NALCN: variants seen among roughly 807,000 people sequenced by gnomAD.
NALCN encodes the protein sodium leak channel, non-selective.
NALCN carries 111 observed loss-of-function variants against 225.3 expected under a neutral mutation model. The ratio of observed to expected loss-of-function variants is 0.49; its 90% CI spans 0.42 to 0.58. The LOEUF is 0.58. Among genes scored for constraint, NALCN ranks in the 20% least tolerant of loss-of-function variants. The probability of loss-of-function intolerance (pLI) is 0.00; values close to 1 mark genes in which losing one functional copy is unlikely to be tolerated. For missense variants in NALCN, 1,378 were observed against 2,202.4 expected (o/e 0.63, Z 7.49); for synonymous variants, 764 against 769.0 (o/e 0.99, Z 0.11).
At chr13:101,057,907 C>CG (rs1201438556) in intron 43 of NALCN, 32 bp downstream of exon 43, 1 of 1,542,756 alleles carries the variant, frequency 6.5e-7, no homozygotes, top group Admixed American at 1.7e-5. Context: ...TAAAATGCCT[C>CG]GATCGCTGGA....
intron 6 of NALCN, among the ~76,000 whole-genome samples, chr13:101,366,855 T>C (rs1013035778): frequency 6.6e-6 from 1 of 152,162 alleles, no homozygotes; most frequent in African/African-American, 2.4e-5. Flanking sequence ...CTGTTGTGCA[T>C]GGATCTCAAA....
intron 35 of NALCN, 114 bp downstream of exon 35, chr13:101,075,759 G>A: frequency 1.4e-6 from 1 of 732,498 alleles, no homozygotes; most frequent in South Asian, 2.5e-5. Flanking sequence ...ATGATGTCTA[G>A]TAATTTGTGA....
chr13:101,397,069 TATATATATATATATATA>T (rs2047317729), intron 2 of NALCN, among the ~76,000 whole-genome samples: 1 of 61,696 alleles, frequency 1.6e-5, no homozygotes, highest in Non-Finnish European at 4.1e-5. Flanking sequence ...GAATGTATTA[TATATATATATATATATA>T]TATATATATA....
In NALCN at chr13:101,292,175, C is replaced by T. The variant is rs370927368; in HGVS notation, c.942+49G>A. The T allele has an allele frequency of 3.8e-5, 61 of 1,612,382 alleles. No individual in the cohort carries two copies. The highest frequency in any genetic ancestry group is 4.8e-5 in the Non-Finnish European group (57 of 1,179,084). ...CAACCAAAACCAAACAAAAGATCTG[C>T]AGAACTATCACAGAACATAGACTTT... On this transcript the variant is annotated intron_variant, in intron 8 of 43. Transcript: ENST00000251127. This position sits in a 1 kb window ranked among gnomAD's most constrained non-coding sequence, Gnocchi z 4.3.
intron 2 of NALCN, among the ~76,000 whole-genome samples, chr13:101,397,598 T>C (rs1395104077): frequency 6.6e-6 from 1 of 151,302 alleles, no homozygotes; most frequent in Non-Finnish European, 1.5e-5. Context: ...GTGTAATGTG[T>C]ATATATGTGA....
intron 7 of NALCN, among the ~76,000 whole-genome samples, chr13:101,333,233 T>C (rs896991123): frequency 1.3e-5 from 2 of 152,204 alleles, no homozygotes; most frequent in Admixed American, 6.5e-5. Flanking sequence ...ATCTTTATAG[T>C]AGCAATTGTG....
At chr13:101,328,086 G>C (rs1386332865) in intron 7 of NALCN, among the ~76,000 whole-genome samples, 1 of 152,288 alleles carries the variant, frequency 6.6e-6, no homozygotes, top group Non-Finnish European at 1.5e-5. Context: ...GCTGATCCCT[G>C]CTCTAGTCAG....
At chr13:101,394,596 C>G (rs899408959) in intron 3 of NALCN, among the ~76,000 whole-genome samples, 1 of 152,154 alleles carries the variant, frequency 6.6e-6, no homozygotes, top group African/African-American at 2.4e-5. Context: ...AAATTTTCTT[C>G]CTTTTCTTTC....
chr13:101,389,642 A>G (rs1208528407), intron 3 of NALCN, among the ~76,000 whole-genome samples: 1 of 152,218 alleles, frequency 6.6e-6, no homozygotes, highest in Non-Finnish European at 1.5e-5. Flanking sequence ...ACAACAGTGG[A>G]GGGACCCCTC....
At chr13:101,144,585 C>G (rs1462531261) in intron 16 of NALCN, among the ~76,000 whole-genome samples, 175 bp downstream of exon 16, 1 of 152,098 alleles carries the variant, frequency 6.6e-6, no homozygotes, top group Admixed American at 6.5e-5. Context: ...TTAAAAGAGT[C>G]AAAGTTGTTT....
At chr13:101,291,914 C>T (rs1453807555) in intron 9 of NALCN, 76 bp downstream of exon 9, 17 of 1,447,430 alleles carry the variant, frequency 1.2e-5, no homozygotes, top group Middle Eastern at 3.6e-4. Flanking sequence ...AAGAGCTTCC[C>T]CAAGGTCCAC....
At chr13:101,126,467 C>T (rs1160515244) in intron 17 of NALCN, among the ~76,000 whole-genome samples, 1 of 151,756 alleles carries the variant, frequency 6.6e-6, no homozygotes, top group African/African-American at 2.4e-5. Context: ...CCTACTTCTC[C>T]CCTCCTGAAA....
intron 11 of NALCN, among the ~76,000 whole-genome samples, chr13:101,253,053 CATT>C (rs1410103791): frequency 6.6e-6 from 1 of 151,736 alleles, no homozygotes; most frequent in African/African-American, 2.4e-5. Context: ...TAATCATGTT[CATT>C]ATAACATATG....
At chr13:101,136,366 A>ACATAGGTAT (rs1430085241) in intron 17 of NALCN, among the ~76,000 whole-genome samples, 1 of 152,144 alleles carries the variant, frequency 6.6e-6, no homozygotes, top group Non-Finnish European at 1.5e-5. Flanking sequence ...CAGGTTTGTT[A>ACATAGGTAT]CATAGGTATG....
chr13:101,233,230 C>T (rs1263561190), intron 12 of NALCN, among the ~76,000 whole-genome samples: 1 of 152,154 alleles, frequency 6.6e-6, no homozygotes, highest in African/African-American at 2.4e-5. Flanking sequence ...TTTTCCTGGT[C>T]ACATTTCTGA....
At chr13:101,078,645 T>C (rs1001608458) in intron 34 of NALCN, among the ~76,000 whole-genome samples, 4 of 152,232 alleles carry the variant, frequency 2.6e-5, no homozygotes, top group Admixed American at 6.5e-5. Flanking sequence ...TAACTTGCTT[T>C]TGATTTTACA....
In NALCN at chr13:101,377,031, TC is replaced by T; in HGVS notation, c.400del (p.Asp134IlefsTer15). 1 of 1,614,182 alleles carries T rather than the reference TC, an allele frequency of 6.2e-7. No homozygotes were observed. Among genetic ancestry groups the T allele is most frequent in the South Asian group, 1.1e-5 (1 of 91,090 alleles). ...LQVFEIADIVDQMSPWGMLRI... is the reference protein window; with the variant it reads ...LQVFEIADIVXQMSPWGMLRI... Reference sequence around the variant, plus strand: ...CAACATGCCCCAAGGTGACATCTGATCAACTATATCAGCAATTTCAAACACC... The same window carrying T: ...CAACATGCCCCAAGGTGACATCTGATAACTATATCAGCAATTTCAAACACC... On this transcript the variant is annotated frameshift_variant, in exon 5 of 44. Transcript: ENST00000251127. LOFTEE classifies it high-confidence loss of function.
intron 7 of NALCN, among the ~76,000 whole-genome samples, chr13:101,325,661 A>G (rs911916405): frequency 2.7e-4 from 41 of 152,112 alleles, no homozygotes; most frequent in Non-Finnish European, 1.8e-4. Context: ...TACGGCTGAT[A>G]TCCGTTTTAT....
intron 14 of NALCN, among the ~76,000 whole-genome samples, chr13:101,185,179 T>C (rs1417679226): frequency 6.6e-6 from 1 of 152,200 alleles, no homozygotes; most frequent in Non-Finnish European, 1.5e-5. Flanking sequence ...ATCAGCGCAG[T>C]GTAAAATGGG....
Sources: gnomAD v4.1 joint callset for allele counts (sites outside exome capture counted in the v4.1 genomes callset) on GRCh38, gnomAD v4.1.1 for gene constraint, Gnocchi (gnomAD v3.1) non-coding constraint, MANE v1.5 for transcripts, NCBI Gene and HGNC (gene_info 2026-07-23, HGNC 2026-07-21) for gene names.